FOXN2: variants seen among roughly 807,000 people sequenced by gnomAD.
FOXN2 encodes the protein forkhead box protein N2.
FOXN2 carries 19 observed loss-of-function variants against 41.2 expected under a neutral mutation model. The ratio of observed to expected loss-of-function variants is 0.46; its 90% CI spans 0.32 to 0.68. The LOEUF is 0.68. FOXN2 is among the 30% of genes least tolerant of loss of function. The pLI is 0.03. For synonymous variants in FOXN2, 195 were observed against 176.8 expected (o/e 1.10, Z -0.82); for missense variants, 587 against 509.4 (o/e 1.15, Z -1.47).
Position 48,346,665 on chromosome 2 carries a change from A to G in FOXN2, c.451A>G (p.Thr151Ala), listed in dbSNP as rs758179610. Residue 151 changes from threonine (T) to alanine (A), a missense_variant, in exon 3 of 7, where the codon ACT (threonine) becomes GCT (alanine). By Grantham distance (58) the Thr-to-Ala change is moderately conservative. Transcript: ENST00000340553. ...WILDHFPYFA[T>A]APTGWKNSVR... ...TCTGGACCATTTTCCATATTTTGCT[A>G]CTGCACCAACAGGCTGGAAGAATTC... 2.5e-6 allele frequency: 4 copies of G among 1,613,996 alleles called. No individual in the cohort carries two copies. In the South Asian group the frequency reaches 3.3e-5, roughly 13 times the overall value.
chr2:48,352,783 A>G (rs1357900551), intron 3 of FOXN2, among the ~76,000 whole-genome samples: 5 of 152,188 alleles, frequency 3.3e-5, no homozygotes, highest in Admixed American at 2.6e-4. Flanking sequence ...TATCCTGATG[A>G]ACTTCCTTAT....
chr2:48,328,782 GT>G (rs1313733143), intron 2 of FOXN2, 80 bp downstream of exon 2: 1 of 151,932 alleles, frequency 6.6e-6, no homozygotes, highest in Non-Finnish European at 1.5e-5. Context: ...GCTTTTAACA[GT>G]TTTGTTTAGA....
intron 2 of FOXN2, among the ~76,000 whole-genome samples, chr2:48,337,866 G>A (rs57668696): frequency 0.44 from 67,219 of 151,756 alleles, 15,038 homozygotes; most frequent in East Asian, 0.52. Flanking sequence ...AAATTGAAAA[G>A]TTTTTCCAGT....
intron 2 of FOXN2, among the ~76,000 whole-genome samples, chr2:48,342,541 GTTTAT>G (rs1424107194): frequency 6.6e-6 from 1 of 151,762 alleles, no homozygotes; most frequent in Non-Finnish European, 1.5e-5. Flanking sequence ...GCCCAAAATT[GTTTAT>G]TTTATATTTT....
At chr2:48,319,785 A>ATTTT (rs545797179) in intron 1 of FOXN2, among the ~76,000 whole-genome samples, 2 of 98,780 alleles carry the variant, frequency 2.0e-5, no homozygotes, top group Non-Finnish European at 4.1e-5. Flanking sequence ...TAATTTTTTA[A>ATTTT]TTTTTTTTTT....
chr2:48,345,817 A>T (rs1014798472), intron 2 of FOXN2, among the ~76,000 whole-genome samples: 8 of 152,182 alleles, frequency 5.3e-5, no homozygotes, highest in Non-Finnish European at 1.0e-4. Context: ...AAAATCATAG[A>T]TTCTTAAGAT....
chr2:48,326,211 G>A (rs1669664823), intron 1 of FOXN2, among the ~76,000 whole-genome samples: 1 of 152,156 alleles, frequency 6.6e-6, no homozygotes, highest in Non-Finnish European at 1.5e-5. Context: ...CCAGGGTTAG[G>A]TGGAATGAAG....
At chr2:48,320,515 C>A (rs1292937315) in intron 1 of FOXN2, among the ~76,000 whole-genome samples, 1 of 151,894 alleles carries the variant, frequency 6.6e-6, no homozygotes. Context: ...GGTCTTGAAC[C>A]CTGACCTCAA....
chr2:48,371,471 C>T (rs950742994), intron 5 of FOXN2, among the ~76,000 whole-genome samples: 2 of 151,638 alleles, frequency 1.3e-5, no homozygotes, highest in African/African-American at 4.8e-5. Flanking sequence ...GTCTATGTGT[C>T]TTATTTTTAT....
chr2:48,336,322 C>T (rs1037142773), intron 2 of FOXN2, among the ~76,000 whole-genome samples: 8 of 150,514 alleles, frequency 5.3e-5, no homozygotes, highest in African/African-American at 2.0e-4. Context: ...GCAGGAGAAT[C>T]GCTTGAACCT....
intron 3 of FOXN2, among the ~76,000 whole-genome samples, chr2:48,349,064 T>C (rs541941597): frequency 6.6e-6 from 1 of 152,292 alleles, no homozygotes; most frequent in African/African-American, 2.4e-5. Flanking sequence ...ATCTACTCAA[T>C]ATAGAGTCTA....
intron 1 of FOXN2, among the ~76,000 whole-genome samples, chr2:48,315,593 A>G (rs1384596550): frequency 6.6e-6 from 1 of 152,174 alleles, no homozygotes; most frequent in Non-Finnish European, 1.5e-5. Flanking sequence ...CTGCGGTGGA[A>G]GAGGCCTTCA....
intron 2 of FOXN2, among the ~76,000 whole-genome samples, chr2:48,336,840 G>A (rs1233517798): frequency 1.3e-5 from 2 of 151,852 alleles, no homozygotes; most frequent in African/African-American, 4.8e-5. Flanking sequence ...GTACATAGTA[G>A]GTGTATATAT....
chr2:48,372,203 G>A (rs924144492), intron 5 of FOXN2, among the ~76,000 whole-genome samples: 1 of 152,132 alleles, frequency 6.6e-6, no homozygotes, highest in Non-Finnish European at 1.5e-5. Context: ...AAGAGGTAAA[G>A]TATTATGTGC....
chr2:48,371,030 C>A (rs1422101557), intron 5 of FOXN2, among the ~76,000 whole-genome samples: 1 of 152,010 alleles, frequency 6.6e-6, no homozygotes, highest in East Asian at 1.9e-4. Flanking sequence ...TATCCAATTT[C>A]TTTTGTATCA....
chr2:48,340,590 C>G (rs1670687412), intron 2 of FOXN2: 1 of 152,166 alleles, frequency 6.6e-6, no homozygotes, highest in Non-Finnish European at 1.5e-5. Context: ...CACAGTCAAG[C>G]TCTAGATGGG....
At chr2:48,326,017 A>G (rs1006183736) in intron 1 of FOXN2, among the ~76,000 whole-genome samples, 3 of 151,676 alleles carry the variant, frequency 2.0e-5, no homozygotes, top group African/African-American at 7.3e-5. Context: ...CCCAGCTAAT[A>G]TTTGTATTTT....
intron 5 of FOXN2, among the ~76,000 whole-genome samples, chr2:48,367,240 G>C (rs772918839): frequency 6.6e-6 from 1 of 152,134 alleles, no homozygotes; most frequent in Non-Finnish European, 1.5e-5. Context: ...TGTGTATTTA[G>C]AGTAAATTCA....
intron 3 of FOXN2, among the ~76,000 whole-genome samples, chr2:48,353,605 T>TGTGTGTGA (rs1491441486): frequency 5.0e-5 from 6 of 119,270 alleles, no homozygotes; most frequent in African/African-American, 1.8e-4. Flanking sequence ...TGTGTGTGTG[T>TGTGTGTGA]GAAAGAGAAA....
Sources: allele counts gnomAD v4.1 joint callset (sites outside exome capture counted in the v4.1 genomes callset), GRCh38; gene constraint gnomAD v4.1.1; transcripts MANE v1.5; gene names NCBI Gene and HGNC (gene_info 2026-07-23, HGNC 2026-07-21).